LIM2: variants seen among roughly 807,000 people sequenced by gnomAD.
The protein encoded by LIM2 is lens intrinsic membrane protein 2, also known as lens fiber membrane intrinsic protein.
A neutral mutation model predicts 19.0 loss-of-function variants in LIM2; 14 were observed. The ratio of observed to expected loss-of-function variants is 0.74; its 90% CI spans 0.49 to 1.15. LIM2 has a LOEUF of 1.15. LIM2 is among the 50% of genes most tolerant of loss of function. LIM2 has a pLI of 0.00. For synonymous variants in LIM2, 78 were observed against 89.6 expected (o/e 0.87, Z 0.73); for missense variants, 230 against 243.5 (o/e 0.94, Z 0.37).
chr19:51,386,260 A>C (rs904870728), intron 2 of LIM2, among the ~76,000 whole-genome samples: 1 of 150,976 alleles, frequency 6.6e-6, no homozygotes, highest in Admixed American at 6.6e-5. Flanking sequence ...AGTAGCTGGG[A>C]TTACAGGTGC....
chr19:51,385,312 A>G (rs1235680311), intron 2 of LIM2, among the ~76,000 whole-genome samples: 1 of 152,202 alleles, frequency 6.6e-6, no homozygotes, highest in Non-Finnish European at 1.5e-5. Context: ...ACCTGAGGTC[A>G]GGAGTTCGAG....
At chr19:51,381,343 A>G (rs2547316) in intron 3 of LIM2, among the ~76,000 whole-genome samples, 119,094 of 152,078 alleles carry the variant, frequency 0.78, 47,513 homozygotes, top group African/African-American at 0.94. Flanking sequence ...AACAAAAAAG[A>G]AAGAAAGAAA....
intron 2 of LIM2, 73 bp downstream of exon 2, chr19:51,387,196 A>T: frequency 6.2e-7 from 1 of 1,614,172 alleles, no homozygotes; most frequent in Non-Finnish European, 8.5e-7. Context: ...TCTGGAATAC[A>T]GGTGTCCTTG....
At chr19:51,384,561 G>C (rs1986981500) in intron 2 of LIM2, among the ~76,000 whole-genome samples, 1 of 152,202 alleles carries the variant, frequency 6.6e-6, no homozygotes, top group Admixed American at 6.5e-5. Context: ...TCCAAACCAA[G>C]AAACACCAAA....
chr19:51,383,734 G>A (rs1226270782), intron 2 of LIM2, among the ~76,000 whole-genome samples: 1 of 152,120 alleles, frequency 6.6e-6, no homozygotes. Flanking sequence ...TGAAGAAATG[G>A]AGGCCCAGAG....
At position 51,379,933 on chromosome 19, in the gene LIM2, C is replaced by T; in HGVS notation, c.*268G>A. 1.7e-6 allele frequency: 1 copy of T among 575,300 alleles called. No homozygotes were observed. Among genetic ancestry groups the T allele is most frequent in the South Asian group, 2.1e-5 (1 of 47,898 alleles). 35.6% of individuals were successfully genotyped at this position (575,300 alleles called of 1,614,324 possible). A position where few individuals can be genotyped will look rare whatever the true frequency, so the allele number is the denominator to read the frequency against. ...GTAGTTTCACATCAGTTTTATTAGG[C>T]CCCAGAAAGTTGCTCTAATGGATAG... On this transcript the variant is annotated 3_prime_UTR_variant, in exon 5 of 5. Transcript: ENST00000596399.
At chr19:51,387,081 G>T in intron 2 of LIM2, 188 bp downstream of exon 2, 2 of 1,074,264 alleles carry the variant, frequency 1.9e-6, no homozygotes, top group Non-Finnish European at 2.8e-6. Flanking sequence ...CCAGCACCCC[G>T]TGAAACTGCA....
intron 3 of LIM2, among the ~76,000 whole-genome samples, chr19:51,382,023 C>G (rs115488767): frequency 6.6e-6 from 1 of 152,154 alleles, no homozygotes; most frequent in East Asian, 1.9e-4. Flanking sequence ...CCATCGCACC[C>G]GGCCTCCAGC....
intron 2 of LIM2, among the ~76,000 whole-genome samples, chr19:51,383,027 C>CTTTTTTTTTTTTTTTT (rs1163859181): frequency 1.0e-3 from 89 of 88,302 alleles, no homozygotes; most frequent in Non-Finnish European, 1.3e-3. Context: ...TTTTTCTTTT[C>CTTTTTTTTTTTTTTTT]TTTTTTTTTT....
chr19:51,387,276 G>A lies in LIM2; in HGVS notation c.168C>T (p.Asp56=), dbSNP rs766644444. ...CCTGGCCGGGGGGCTCACCGATGCTGTCTGTCTGCAGGTAGCACTTGTTGC... is the reference window on the plus strand; with the variant it reads ...CCTGGCCGGGGGGCTCACCGATGCTATCTGTCTGCAGGTAGCACTTGTTGC... The part of the protein sequence containing the change: ...CLGNKCYLQT[D]SIAYWNATRA... The change falls in exon 2 of 5, where the codon GAC becomes GAT. Residue 56 remains aspartate, a synonymous_variant. Transcript: ENST00000596399. The A allele has an allele frequency of 1.4e-5, 22 of 1,614,050 alleles. No individual in the cohort carries two copies. The highest frequency in any genetic ancestry group is 1.3e-4 in the Admixed American group (8 of 60,008).
rs1341313156 is a variant in LIM2, at chr19:51,382,536, G to C, written c.207C>G (p.Ile69Met). 6.2e-7 allele frequency: 1 copy of C among 1,613,832 alleles called. No individual in the cohort carries two copies. The highest frequency in any genetic ancestry group is 8.5e-7 in the Non-Finnish European group (1 of 1,179,888). ...AYWNATRAFMILSALCAISGI... is the reference protein window; with the variant it reads ...AYWNATRAFMMLSALCAISGI... Reference sequence around the variant, plus strand: ...CGGAGATGGCGCATAGGGCAGACAGGATCATGAAGGCCCGGGTGGCATTCC... The same window carrying C: ...CGGAGATGGCGCATAGGGCAGACAGCATCATGAAGGCCCGGGTGGCATTCC... Residue 69 changes from isoleucine (I) to methionine (M), a missense_variant, in exon 3 of 5, where the codon ATC becomes ATG. Physicochemically the swap from Ile to Met is conservative, Grantham distance 10 (BLOSUM62 1). Coordinates refer to ENST00000596399, the MANE Select transcript of LIM2 (RefSeq NM_001161748.2).
At chr19:51,380,428 A>G (rs1479013196) in intron 4 of LIM2, 77 bp downstream of exon 4, 1 of 1,606,654 alleles carries the variant, frequency 6.2e-7, no homozygotes. Flanking sequence ...CTCATGTGGG[A>G]CACCCTGTCA....
chr19:51,385,521 GAAACA>G (rs935603574), intron 2 of LIM2, among the ~76,000 whole-genome samples: 2 of 151,950 alleles, frequency 1.3e-5, no homozygotes, highest in Non-Finnish European at 2.9e-5. Flanking sequence ...GACTCTGTCT[GAAACA>G]AAACAAAACA....
rs1449357786 is a variant in LIM2, at chr19:51,382,501, A to G, written c.242T>C (p.Met81Thr). 5.0e-6 allele frequency: 8 copies of G among 1,613,948 alleles called. No individual in the cohort carries two copies. Among genetic ancestry groups the G allele is most frequent in the African/African-American group, 1.3e-5 (1 of 74,924 alleles). Residue 81 changes from methionine (M) to threonine (T), a missense_variant, in exon 3 of 5, where the codon ATG (methionine) becomes ACG (threonine). Met to Thr is a moderately conservative substitution (Grantham distance 81). Coordinates refer to ENST00000596399, the MANE Select transcript of LIM2 (RefSeq NM_001161748.2). ...SALCAISGII[M>T]GIMAFAHQPT... The stretch of plus-strand genomic sequence containing the variant: ...CTGATGAGCGAAGGCCATGATGCCC[A>G]TGATGATGCCGGAGATGGCGCATAG...
rs568064524 is a variant in LIM2, at chr19:51,387,905, C to T, written c.-7+14G>A. ...GGGGAAGAGGGGGCTACAGGTCTCA[C>T]GCCTGGTGCCTACCTGAGTGGCAGA... On this transcript the variant is annotated intron_variant, in intron 1 of 4. Coordinates refer to ENST00000596399, the MANE Select transcript of LIM2 (RefSeq NM_001161748.2). The T allele has an allele frequency of 6.7e-5, 14 of 210,258 alleles. No homozygotes were observed. In the South Asian group the frequency reaches 8.8e-4, roughly 13 times the overall value. The allele number at this position is 210,258 out of a possible 1,614,324, so 13.0% of individuals were successfully genotyped here.
At chr19:51,384,141 G>A (rs1250810991) in intron 2 of LIM2, among the ~76,000 whole-genome samples, 1 of 152,172 alleles carries the variant, frequency 6.6e-6, no homozygotes, top group Admixed American at 6.6e-5. Context: ...CTAATCCAAA[G>A]ACTGGGCTGG....
chr19:51,382,361 G>T, intron 3 of LIM2, 57 bp downstream of exon 3: 2 of 1,597,206 alleles, frequency 1.3e-6, no homozygotes, highest in Non-Finnish European at 1.7e-6. Context: ...GGTGGGGACA[G>T]ATTGGGGTTT....
rs1986852316 is a variant in LIM2, at chr19:51,380,112, G to C, written c.*89C>G. On this transcript the variant is annotated 3_prime_UTR_variant, in exon 5 of 5. Transcript: ENST00000596399. ...GAACTGAGCCCCCTCATTCCCCTAG[G>C]AACCAGGATTTCAGGCCTCTAGACC... 1 of 1,250,604 alleles carries C rather than the reference G, an allele frequency of 8.0e-7. No homozygotes were observed. The highest frequency in any genetic ancestry group is 1.2e-6 in the Non-Finnish European group (1 of 866,388). The allele number at this position is 1,250,604 out of a possible 1,614,324, so 77.5% of individuals were successfully genotyped here. A position where few individuals can be genotyped will look rare whatever the true frequency, so the allele number is the denominator to read the frequency against.
chr19:51,382,576 G>T lies in LIM2; in HGVS notation c.176-9C>A. 1.2e-6 allele frequency: 2 copies of T among 1,612,988 alleles called. No individual in the cohort carries two copies. The highest frequency in any genetic ancestry group is 1.7e-6 in the Non-Finnish European group (2 of 1,179,836). On this transcript the variant is annotated splice_polypyrimidine_tract_variant and intron_variant, in intron 2 of 4. Transcript: ENST00000596399. ...GGTGGCATTCCAGTATGCTGTGGGA[G>T]CACCCCATGGTCATTCCCACACCTC...
Sources: allele counts gnomAD v4.1 joint callset (sites outside exome capture counted in the v4.1 genomes callset), GRCh38; gene constraint gnomAD v4.1.1; transcripts MANE v1.5; gene names NCBI Gene and HGNC (gene_info 2026-07-23, HGNC 2026-07-21).